Variants in TAS2R38 observed in about 807,000 individuals in gnomAD.
TAS2R38 encodes the protein taste receptor type 2 member 38.
Under a neutral mutation model 16.4 loss-of-function variants are expected in TAS2R38, and 11 were observed. The ratio of observed to expected loss-of-function variants is 0.67; its 90% CI spans 0.42 to 1.11. The LOEUF (loss-of-function observed/expected upper bound fraction) is 1.11. Ranked by LOEUF, TAS2R38 falls within the 50% of genes least tolerant of loss-of-function variation. TAS2R38 has a pLI of 0.00. For synonymous variants in TAS2R38, 149 were observed against 155.6 expected (o/e 0.96, Z 0.32); for missense variants, 364 against 395.8 (o/e 0.92, Z 0.68).
Position 141,973,413 on chromosome 7 carries a change from G to T in TAS2R38, c.277C>A (p.Gln93Lys). The change falls in exon 1 of 1, where the codon CAA becomes AAA. Residue 93 changes from glutamine (Q) to lysine (K), a missense_variant. Physicochemically the swap from Gln to Lys is moderately conservative, Grantham distance 53. Transcript: ENST00000547270. ...KLSEPLNHSY[Q>K]AIIMLWMIAN... ...ATCATCCATAGCATGATGATGGCTT[G>T]GTAGCTGTGGTTCAGTGGTTCACTC... 6.2e-7 allele frequency: 1 copy of T among 1,614,094 alleles called. No individual in the cohort carries two copies. The highest frequency in any genetic ancestry group is 8.5e-7 in the Non-Finnish European group (1 of 1,180,016).
Position 141,972,819 on chromosome 7 carries a change from A to G in TAS2R38, c.871T>C (p.Ser291Pro), listed in dbSNP as rs782073369. Residue 291 changes from serine to proline, a missense_variant, in exon 1 of 1, where the codon TCT (serine) becomes CCT (proline). Transcript: ENST00000547270. ...VCVGIMAACP[S>P]GHAAILISGN... ...GAGATCAGGATGGCTGCATGCCCAGAGGGACAAGCTGCCATTATCCCAACA... is the reference window on the plus strand; with the variant it reads ...GAGATCAGGATGGCTGCATGCCCAGGGGGACAAGCTGCCATTATCCCAACA... 57 of 1,614,062 alleles carry G rather than the reference A, an allele frequency of 3.5e-5. No individual in the cohort carries two copies. Among genetic ancestry groups the G allele is most frequent in the Non-Finnish European group, 4.7e-5 (55 of 1,180,036 alleles).
rs557475943 is a variant in TAS2R38 at position 141,972,919 on chromosome 7, C to T, written c.771G>A (p.Val257=). Residue 257 remains valine, a synonymous_variant, in exon 1 of 1, where the codon GTG becomes GTA. Coordinates refer to ENST00000547270, the MANE Select transcript of TAS2R38 (RefSeq NM_176817.5). ...AGATGAAGGCAGCACAGGATGATAT[C>T]ACAAAGAAGCAGAAAAAGGAGACAA... is the stretch of plus-strand genomic sequence containing the variant. ...KSLVSFFCFF[V]ISSCAAFISV... is the part of the protein sequence containing the mutation. 1 of 1,614,030 alleles carries T rather than the reference C, an allele frequency of 6.2e-7. No homozygotes were observed. The highest frequency in any genetic ancestry group is 2.2e-5 in the East Asian group (1 of 44,860).
chr7:141,973,056 A>G lies in TAS2R38; in HGVS notation c.634T>C (p.Ser212Pro). 3 of 1,614,152 alleles carry G rather than the reference A, an allele frequency of 1.9e-6. No homozygotes were observed. The highest frequency in any genetic ancestry group is 2.5e-6 in the Non-Finnish European group (3 of 1,180,036). Residue 212 changes from serine to proline, a missense_variant, in exon 1 of 1, where the codon TCT becomes CCT. Coordinates refer to ENST00000547270, the MANE Select transcript of TAS2R38 (RefSeq NM_176817.5). ...SVPPFLLFLV[S>P]SGMLTVSLGR... Reference sequence around the variant, plus strand: ...AGGGAGACAGTCAGCATCCCAGAAGAAACCAGAAACAATAGGAAAGGAGGC... The same window carrying G: ...AGGGAGACAGTCAGCATCCCAGAAGGAACCAGAAACAATAGGAAAGGAGGC...
At position 141,972,808 on chromosome 7, in the gene TAS2R38, T is replaced by C; in HGVS notation, c.882A>G (p.Ala294=). The change falls in exon 1 of 1, where the codon GCA becomes GCG. Residue 294 remains alanine, a synonymous_variant. Coordinates refer to ENST00000547270, the MANE Select transcript of TAS2R38 (RefSeq NM_176817.5). ...GIMAACPSGH[A]AILISGNAKL... Reference sequence around the variant, plus strand: ...TGGCATTGCCTGAGATCAGGATGGCTGCATGCCCAGAGGGACAAGCTGCCA... The same window carrying C: ...TGGCATTGCCTGAGATCAGGATGGCCGCATGCCCAGAGGGACAAGCTGCCA... 1 of 1,614,122 alleles carries C rather than the reference T, an allele frequency of 6.2e-7. No individual in the cohort carries two copies. The highest frequency in any genetic ancestry group is 8.5e-7 in the Non-Finnish European group (1 of 1,179,978).
chr7:141,972,908 C>T lies in TAS2R38; in HGVS notation c.782G>A (p.Cys261Tyr). Residue 261 changes from cysteine to tyrosine, a missense_variant, in exon 1 of 1, where the codon TGT (cysteine) becomes TAT (tyrosine). Coordinates refer to ENST00000547270, the MANE Select transcript of TAS2R38 (RefSeq NM_176817.5). ...TAGGGGCACAGAGATGAAGGCAGCA[C>T]AGGATGATATCACAAAGAAGCAGAA... ...SFFCFFVISS[C>Y]AAFISVPLLI... 6.2e-7 allele frequency: 1 copy of T among 1,614,010 alleles called. No homozygotes were observed.
Position 141,972,956 on chromosome 7 carries a change from G to A in TAS2R38, c.734C>T (p.Ala245Val), listed in dbSNP as rs782493263. The part of the protein sequence containing the change: ...RDPSLEAHIK[A>V]LKSLVSFFCF... ...GAAAAAGGAGACAAGAGACTTGAGGGCTTTAATGTGGGCCTCCAGGCTGGG... is the reference window on the plus strand; with the variant it reads ...GAAAAAGGAGACAAGAGACTTGAGGACTTTAATGTGGGCCTCCAGGCTGGG... The change falls in exon 1 of 1, where the codon GCC becomes GTC. Residue 245 changes from alanine to valine, a missense_variant. Coordinates refer to ENST00000547270, the MANE Select transcript of TAS2R38 (RefSeq NM_176817.5). 1.2e-6 allele frequency: 2 copies of A among 1,614,092 alleles called. No individual in the cohort carries two copies.
At position 141,973,394 on chromosome 7, in the gene TAS2R38, C is replaced by T. The variant is rs962351110; in HGVS notation, c.296G>A (p.Trp99Ter). The T allele has an allele frequency of 1.9e-6, 3 of 1,613,954 alleles. No homozygotes were observed. The highest frequency in any genetic ancestry group is 2.5e-6 in the Non-Finnish European group (3 of 1,180,024). The change falls in exon 1 of 1, where the codon TGG (tryptophan) becomes TAG (stop). Residue 99 changes from tryptophan (W) to a stop codon, truncating the protein, a stop_gained. Coordinates refer to ENST00000547270, the MANE Select transcript of TAS2R38 (RefSeq NM_176817.5). LOFTEE classifies it high-confidence loss of function. The part of the protein sequence containing the change: ...NHSYQAIIML[W>*]MIANQANLWL... ...GAGGTTGGCTTGGTTTGCAATCATC[C>T]ATAGCATGATGATGGCTTGGTAGCT...
chr7:141,973,716 T>G lies in TAS2R38; in HGVS notation c.-27A>C, dbSNP rs372430424. On this transcript the variant is annotated 5_prime_UTR_variant, in exon 1 of 1. Transcript: ENST00000547270. Reference sequence around the variant, plus strand: ...ATGTCACTTCTCTAATTGGCTATTCTACTTCTCTTCTCTAGTTGGCTAATC... The same window carrying G: ...ATGTCACTTCTCTAATTGGCTATTCGACTTCTCTTCTCTAGTTGGCTAATC... 6.4e-5 allele frequency: 102 copies of G among 1,595,576 alleles called. No homozygotes were observed. The highest frequency in any genetic ancestry group is 8.6e-5 in the Non-Finnish European group (101 of 1,170,234).
At position 141,973,192 on chromosome 7, in the gene TAS2R38, AG is replaced by A. The variant is rs781801473; in HGVS notation, c.497del (p.Pro166LeufsTer11). The A allele has an allele frequency of 2.5e-6, 4 of 1,614,130 alleles. No individual in the cohort carries two copies. Among genetic ancestry groups the A allele is most frequent in the Non-Finnish European group, 2.5e-6 (3 of 1,180,010 alleles). On this transcript the variant is annotated frameshift_variant, in exon 1 of 1. Transcript: ENST00000547270. LOFTEE classifies it high-confidence loss of function. ...VLCVWCFFSRPHFTVTTVLFM... is the reference protein window; with the variant it reads ...VLCVWCFFSRXHFTVTTVLFM... ...ATAGCACAGTTGTGACTGTGAAGTGAGGTCTGCTAAAAAAGCACCAAACACA... is the reference window on the plus strand; with the variant it reads ...ATAGCACAGTTGTGACTGTGAAGTGAGTCTGCTAAAAAAGCACCAAACACA...
Position 141,973,309 on chromosome 7 carries a change from G to C in TAS2R38, c.381C>G (p.Thr127=). Residue 127 remains threonine (T), a synonymous_variant, in exon 1 of 1, where the codon ACC becomes ACG. Transcript: ENST00000547270. ...CCCAGCTTGCCAAGCAGATCAGGAA[G>C]GTGTGAGAGAAACGGATGAGCTTGG... ...YCSKLIRFSH[T]FLICLASWVS... 6.2e-7 allele frequency: 1 copy of C among 1,614,012 alleles called. No individual in the cohort carries two copies. Among genetic ancestry groups the C allele is most frequent in the African/African-American group, 1.3e-5 (1 of 75,002 alleles).
rs1584866634 is a variant in TAS2R38 at position 141,973,255 on chromosome 7, C to G, written c.435G>C (p.Leu145=). 1 of 1,613,948 alleles carries G rather than the reference C, an allele frequency of 6.2e-7. No homozygotes were observed. Among genetic ancestry groups the G allele is most frequent in the East Asian group, 2.2e-5 (1 of 44,850 alleles). ...WVSRKISQML[L]GIILCSCICT... is the part of the protein sequence containing the mutation. ...AGATGCAGGAGCAAAGAATAATACC[C>G]AGGAGCATCTGGGAGATCTTCCTGG... The change falls in exon 1 of 1, where the codon CTG becomes CTC. Residue 145 remains leucine (L), a synonymous_variant. Coordinates refer to ENST00000547270, the MANE Select transcript of TAS2R38 (RefSeq NM_176817.5).
At position 141,973,300 on chromosome 7, in the gene TAS2R38, G is replaced by C; in HGVS notation, c.390C>G (p.Ile130Met). 6.2e-7 allele frequency: 1 copy of C among 1,613,962 alleles called. No homozygotes were observed. Among genetic ancestry groups the C allele is most frequent in the Non-Finnish European group, 8.5e-7 (1 of 1,179,980 alleles). The change falls in exon 1 of 1, where the codon ATC becomes ATG. Residue 130 changes from isoleucine to methionine, a missense_variant. Coordinates refer to ENST00000547270, the MANE Select transcript of TAS2R38 (RefSeq NM_176817.5). ...TCCTGGAGACCCAGCTTGCCAAGCA[G>C]ATCAGGAAGGTGTGAGAGAAACGGA... The part of the protein sequence containing the change: ...KLIRFSHTFL[I>M]CLASWVSRKI...
chr7:141,972,655 C>A lies in TAS2R38; in HGVS notation c.*33G>T, dbSNP rs375380334. 6 of 1,559,446 alleles carry A rather than the reference C, an allele frequency of 3.8e-6. No individual in the cohort carries two copies. The highest frequency in any genetic ancestry group is 4.3e-6 in the Non-Finnish European group (5 of 1,152,594). On this transcript the variant is annotated 3_prime_UTR_variant, in exon 1 of 1. Coordinates refer to ENST00000547270, the MANE Select transcript of TAS2R38 (RefSeq NM_176817.5). ...AGGCATATTTATGAAGACTCACAGG[C>A]GTATTAATGAAGAGCTCATTTCATG...
Position 141,973,323 on chromosome 7 carries a change from G to C in TAS2R38, c.367C>G (p.Arg123Gly), listed in dbSNP as rs782008737. The C allele has an allele frequency of 9.9e-6, 16 of 1,613,838 alleles. 1 individual carries two copies. The South Asian group carries it at 1.8e-4, about 18-fold the overall frequency. Residue 123 changes from arginine to glycine, a missense_variant, in exon 1 of 1, where the codon CGT becomes GGT. Physicochemically the swap from Arg to Gly is moderately radical, Grantham distance 125. Coordinates refer to ENST00000547270, the MANE Select transcript of TAS2R38 (RefSeq NM_176817.5). Reference protein sequence around the residue: ...LSLLYCSKLIRFSHTFLICLA... With the variant: ...LSLLYCSKLIGFSHTFLICLA... ...CAGATCAGGAAGGTGTGAGAGAAAC[G>C]GATGAGCTTGGAGCAGTAAAGCAGG...
chr7:141,972,818 G>A lies in TAS2R38; in HGVS notation c.872C>T (p.Ser291Phe). ...TGAGATCAGGATGGCTGCATGCCCA[G>A]AGGGACAAGCTGCCATTATCCCAAC... ...VCVGIMAACP[S>F]GHAAILISGN... The change falls in exon 1 of 1, where the codon TCT becomes TTT. Residue 291 changes from serine (S) to phenylalanine (F), a missense_variant. Coordinates refer to ENST00000547270, the MANE Select transcript of TAS2R38 (RefSeq NM_176817.5). 1 of 1,614,176 alleles carries A rather than the reference G, an allele frequency of 6.2e-7. No homozygotes were observed. The highest frequency in any genetic ancestry group is 1.3e-5 in the African/African-American group (1 of 75,036).
In TAS2R38 at chr7:141,972,854, A is replaced by T. The variant is rs370225669; in HGVS notation, c.836T>A (p.Val279Glu). ...TGCCATTATCCCAACACAAACCATC[A>T]CCCCTATTTTGTCGCGCCACAGAAT... The part of the protein sequence containing the change: ...LLILWRDKIG[V>E]MVCVGIMAAC... The change falls in exon 1 of 1, where the codon GTG becomes GAG. Residue 279 changes from valine to glutamate, a missense_variant. By Grantham distance (121) the Val-to-Glu change is moderately radical. Transcript: ENST00000547270. 2.4e-5 allele frequency: 39 copies of T among 1,613,756 alleles called. 1 individual carries two copies. The East Asian group carries it at 7.6e-4, about 31-fold the overall frequency.
chr7:141,973,555 C>T lies in TAS2R38; in HGVS notation c.135G>A (p.Val45=). The change falls in exon 1 of 1, where the codon GTG becomes GTA. Residue 45 remains valine, a synonymous_variant. Coordinates refer to ENST00000547270, the MANE Select transcript of TAS2R38 (RefSeq NM_176817.5). The part of the protein sequence containing the change: ...FVFLVNFWDV[V]KRQALSNSDC... ...CACTGTTGCTCAGTGCCTGCCTCTT[C>T]ACTACATCCCAAAAATTCACCAAGA... The T allele has an allele frequency of 6.2e-7, 1 of 1,614,084 alleles. No homozygotes were observed. Among genetic ancestry groups the T allele is most frequent in the South Asian group, 1.1e-5 (1 of 91,070 alleles).
chr7:141,972,742 C>G lies in TAS2R38; in HGVS notation c.948G>C (p.Gln316His). ...RAVMTILLWA[Q>H]SSLKVRADHK... ...GGTCGGCTCTTACCTTCAGGCTGCTCTGAGCCCAGAGCAGAATGGTCATCA... is the reference window on the plus strand; with the variant it reads ...GGTCGGCTCTTACCTTCAGGCTGCTGTGAGCCCAGAGCAGAATGGTCATCA... Residue 316 changes from glutamine to histidine, a missense_variant, in exon 1 of 1, where the codon CAG becomes CAC. Gln to His is a conservative substitution (Grantham distance 24, BLOSUM62 0). Transcript: ENST00000547270. 3 of 1,614,112 alleles carry G rather than the reference C, an allele frequency of 1.9e-6. No individual in the cohort carries two copies. The highest frequency in any genetic ancestry group is 2.5e-6 in the Non-Finnish European group (3 of 1,180,008).
rs368826009 is a variant in TAS2R38 at position 141,972,656 on chromosome 7, G to T, written c.*32C>A. On this transcript the variant is annotated 3_prime_UTR_variant, in exon 1 of 1. Transcript: ENST00000547270. ...GGCATATTTATGAAGACTCACAGGC[G>T]TATTAATGAAGAGCTCATTTCATGT... The T allele has an allele frequency of 5.8e-6, 9 of 1,563,176 alleles. No homozygotes were observed. Among genetic ancestry groups the T allele is most frequent in the East Asian group, 2.3e-5 (1 of 44,232 alleles).
Sources: gnomAD v4.1 joint callset for allele counts on GRCh38, gnomAD v4.1.1 for gene constraint, MANE v1.5 for transcripts, NCBI Gene and HGNC (gene_info 2026-07-23, HGNC 2026-07-21) for gene names.